The following RASL10B variants were observed in gnomAD, a reference collection of about 807,000 sequenced individuals.
RASL10B encodes the protein RAS like family 10 member B.
RASL10B carries 10 observed loss-of-function variants against 20.7 expected under a neutral mutation model. The observed-to-expected ratio is 0.48, with a 90% confidence interval of 0.30 to 0.82. The LOEUF (loss-of-function observed/expected upper bound fraction) is 0.82, where lower values mean the gene tolerates loss of function less well. Among genes scored for constraint, RASL10B ranks in the 40% least tolerant of loss-of-function variants. The pLI is 0.07. For missense variants in RASL10B, 231 were observed against 295.4 expected (o/e 0.78, Z 1.60); for synonymous variants, 110 against 123.3 (o/e 0.89, Z 0.72).
At chr17:35,734,050 T>A (rs1555596717) in intron 1 of RASL10B, among the ~76,000 whole-genome samples, 2 of 152,198 alleles carry the variant, frequency 1.3e-5, no homozygotes, top group Non-Finnish European at 2.9e-5. Flanking sequence ...ATCCCAGCAC[T>A]TTGGGAGGCC....
Position 35,742,968 on chromosome 17 carries a change from G to A in RASL10B, c.*1663G>A, listed in dbSNP as rs1221348735. 1 of 152,586 alleles carries A rather than the reference G, an allele frequency of 6.6e-6. No homozygotes were observed. The highest frequency in any genetic ancestry group is 3.2e-3 in the Middle Eastern group (1 of 316). 9.5% of individuals were successfully genotyped at this position (152,586 alleles called of 1,614,324 possible). On this transcript the variant is annotated 3_prime_UTR_variant, in exon 4 of 4. Coordinates refer to ENST00000603017, the MANE Select transcript of RASL10B (RefSeq NM_033315.4). Reference sequence around the variant, plus strand: ...AGCGGATTCCCACTCTGTCCACCAAGTGGGGGGTAGCACAGCCTCACAGCA... The same window carrying A: ...AGCGGATTCCCACTCTGTCCACCAAATGGGGGGTAGCACAGCCTCACAGCA...
At chr17:35,738,617 G>T (rs1469732188) in intron 2 of RASL10B, among the ~76,000 whole-genome samples, 3 of 152,110 alleles carry the variant, frequency 2.0e-5, no homozygotes, top group Admixed American at 1.3e-4. Flanking sequence ...CCTTTCTATT[G>T]CTCCTTCTCT....
At chr17:35,739,954 G>A (rs1226057168) in intron 2 of RASL10B, among the ~76,000 whole-genome samples, 4 of 152,180 alleles carry the variant, frequency 2.6e-5, no homozygotes, top group Admixed American at 2.6e-4. Flanking sequence ...GATGAAGGGA[G>A]TAGTCCCCTG....
chr17:35,732,787 GC>G (rs1555596539), intron 1 of RASL10B, among the ~76,000 whole-genome samples: 1 of 152,076 alleles, frequency 6.6e-6, no homozygotes, highest in Non-Finnish European at 1.5e-5. Flanking sequence ...ACTCTTCTTG[GC>G]GTTCCTTGCC....
chr17:35,737,470 G>A (rs1825888356), intron 2 of RASL10B, among the ~76,000 whole-genome samples: 1 of 151,958 alleles, frequency 6.6e-6, no homozygotes. Flanking sequence ...CCAGTCTTGT[G>A]CTGTTTCAAA....
intron 1 of RASL10B, among the ~76,000 whole-genome samples, chr17:35,734,763 G>C (rs1280622900): frequency 6.6e-6 from 1 of 152,180 alleles, no homozygotes; most frequent in East Asian, 1.9e-4. Flanking sequence ...ACCAAGTCCA[G>C]TGCGCTTCCC....
chr17:35,733,017 TG>T (rs2085568090), intron 1 of RASL10B, among the ~76,000 whole-genome samples: 1 of 152,294 alleles, frequency 6.6e-6, no homozygotes, highest in African/African-American at 2.4e-5. Flanking sequence ...GGACACTGCA[TG>T]GGGCAGGAAG....
intron 2 of RASL10B, among the ~76,000 whole-genome samples, chr17:35,738,159 G>A (rs1159947249): frequency 1.3e-5 from 2 of 152,066 alleles, no homozygotes; most frequent in Admixed American, 1.3e-4. Flanking sequence ...ATCTTTCATA[G>A]GTTTAAGGGC....
At chr17:35,737,377 C>G (rs2085599740) in intron 2 of RASL10B, among the ~76,000 whole-genome samples, 1 of 152,084 alleles carries the variant, frequency 6.6e-6, no homozygotes, top group Non-Finnish European at 1.5e-5. Context: ...AGAGGACGTC[C>G]TCATTCTTTT....
intron 2 of RASL10B, 115 bp from the exon 3 acceptor site, chr17:35,740,294 G>A: frequency 7.2e-7 from 1 of 1,388,202 alleles, no homozygotes; most frequent in Non-Finnish European, 9.8e-7. Context: ...GTCGGGTATG[G>A]AAGGCTTCAG....
chr17:35,732,977 A>C (rs1185335604), intron 1 of RASL10B, among the ~76,000 whole-genome samples: 1 of 152,178 alleles, frequency 6.6e-6, no homozygotes, highest in Non-Finnish European at 1.5e-5. Context: ...TTGGGAGCCC[A>C]TGTAAGTGTA....
chr17:35,733,035 AGGGTC>A (rs1374132671), intron 1 of RASL10B, among the ~76,000 whole-genome samples: 4 of 152,222 alleles, frequency 2.6e-5, no homozygotes, highest in Admixed American at 2.6e-4. Context: ...GAAGGAGTTC[AGGGTC>A]CTAATCTTAG....
Position 35,740,393 on chromosome 17 carries a change from G to A in RASL10B, c.217-16G>A. ...CATGGCTGCTCTGACCCTGGTACTG[G>A]CTGGGGATATTGCAGGAGTGGGCAG... On this transcript the variant is annotated splice_polypyrimidine_tract_variant and intron_variant, in intron 2 of 3. Coordinates refer to ENST00000603017, the MANE Select transcript of RASL10B (RefSeq NM_033315.4). 1 of 1,611,942 alleles carries A rather than the reference G, an allele frequency of 6.2e-7. No homozygotes were observed. Among genetic ancestry groups the A allele is most frequent in the South Asian group, 1.1e-5 (1 of 90,994 alleles).
intron 1 of RASL10B, among the ~76,000 whole-genome samples, chr17:35,734,105 G>A (rs2143019363): frequency 6.6e-6 from 1 of 152,316 alleles, no homozygotes; most frequent in Non-Finnish European, 1.5e-5. Flanking sequence ...GGCCAACATG[G>A]CGAAACCCCA....
In RASL10B at chr17:35,732,002, G is replaced by GGGGCCGGC. The variant is rs1484696976; in HGVS notation, c.-148+129_-148+136dup. On this transcript the variant is annotated intron_variant, in intron 1 of 3. Transcript: ENST00000603017. Reference sequence around the variant, plus strand: ...GGCGAGGGGCGTCCGGGACTAGGAGGGGGCCGGCGGGCGGGCGGGCGGGGA... The same window carrying GGGGCCGGC: ...GGCGAGGGGCGTCCGGGACTAGGAGGGGGCCGGCGGGCCGGCGGGCGGGCGGGCGGGGA... 32 of 151,112 alleles carry GGGGCCGGC rather than the reference G, an allele frequency of 2.1e-4. 1 individual carries two copies. The highest frequency in any genetic ancestry group is 1.5e-5 in the Non-Finnish European group (1 of 67,604). 9.4% of individuals were successfully genotyped at this position (151,112 alleles called of 1,614,324 possible).
intron 2 of RASL10B, among the ~76,000 whole-genome samples, chr17:35,738,161 T>G (rs782497735): frequency 1.2e-4 from 19 of 152,138 alleles, no homozygotes; most frequent in Non-Finnish European, 2.5e-4. Context: ...CTTTCATAGG[T>G]TTAAGGGCCT....
In RASL10B at chr17:35,742,456, G is replaced by A. The variant is rs2085635526; in HGVS notation, c.*1151G>A. The A allele has an allele frequency of 6.5e-6, 1 of 152,724 alleles. No individual in the cohort carries two copies. The highest frequency in any genetic ancestry group is 1.5e-5 in the Non-Finnish European group (1 of 68,162). The allele number at this position is 152,724 out of a possible 1,614,324, so 9.5% of individuals were successfully genotyped here. A position where few individuals can be genotyped will look rare whatever the true frequency, so the allele number is the denominator to read the frequency against. The stretch of plus-strand genomic sequence containing the variant: ...GCATCTTCCTCCTGCCACAGATGGA[G>A]GCCCTCAGGATCTGACACCCTCTTG... On this transcript the variant is annotated 3_prime_UTR_variant, in exon 4 of 4. Transcript: ENST00000603017.
chr17:35,732,833 C>T (rs1477336494), intron 1 of RASL10B, among the ~76,000 whole-genome samples: 5 of 152,192 alleles, frequency 3.3e-5, no homozygotes, highest in Non-Finnish European at 7.4e-5. Flanking sequence ...CACTCCCCAC[C>T]TGCCTGTACT....
In RASL10B at chr17:35,735,370, C is replaced by T; in HGVS notation, c.186C>T (p.Pro62=). 6.2e-7 allele frequency: 1 copy of T among 1,614,204 alleles called. No homozygotes were observed. Among genetic ancestry groups the T allele is most frequent in the Non-Finnish European group, 8.5e-7 (1 of 1,180,050 alleles). The change falls in exon 2 of 4, where the codon CCC becomes CCT. Residue 62 remains proline, a synonymous_variant. Transcript: ENST00000603017. This position sits in a 1 kb window ranked among gnomAD's most constrained non-coding sequence, Gnocchi z 6.7. ...VHDLQILDFP[P]ISAFPVNTLQ... is the part of the protein sequence containing the mutation. ...ACCTCCAGATCCTCGACTTTCCACC[C>T]ATCAGCGCCTTCCCTGTCAATACGC...
Sources: gnomAD v4.1 joint callset for allele counts (sites outside exome capture counted in the v4.1 genomes callset) on GRCh38, gnomAD v4.1.1 for gene constraint, Gnocchi (gnomAD v3.1) non-coding constraint, MANE v1.5 for transcripts, NCBI Gene and HGNC (gene_info 2026-07-23, HGNC 2026-07-21) for gene names.